The following UBN1 variants were observed in gnomAD, a reference collection of about 807,000 sequenced individuals.
UBN1 encodes ubinuclein-1.
In UBN1, 17 loss-of-function variants were observed where a neutral mutation model predicts 108.5. The observed-to-expected ratio is 0.16, with a 90% CI of 0.11 to 0.24. The LOEUF is 0.24. Among genes scored for constraint, UBN1 ranks in the 10% least tolerant of loss-of-function variants. UBN1 has a pLI of 1.00. For synonymous variants in UBN1, 726 were observed against 564.2 expected, an observed-to-expected ratio of 1.29 and a Z score of -4.07; for missense variants, 1,595 against 1,394.4, an observed-to-expected ratio of 1.14 and a Z score of -2.29.
In UBN1 at chr16:4,877,421, C is replaced by A; in HGVS notation, c.3302C>A (p.Ala1101Glu). ...GGCTTGCACTCCAGCCCGCCCCATGCAGCGCCTCTCCCACACGCTGCGGTG... is the reference window on the plus strand; with the variant it reads ...GGCTTGCACTCCAGCCCGCCCCATGAAGCGCCTCTCCCACACGCTGCGGTG... ...LAGLHSSPPH[A>E]APLPHAAVPT... The change falls in exon 17 of 18, where the codon GCA becomes GAA. Residue 1101 changes from alanine to glutamate, a missense_variant. Transcript: ENST00000262376. This position sits in a 1 kb window ranked among gnomAD's most constrained non-coding sequence, Gnocchi z 4.3. 1.2e-6 allele frequency: 2 copies of A among 1,612,658 alleles called. No homozygotes were observed. The highest frequency in any genetic ancestry group is 1.7e-6 in the Non-Finnish European group (2 of 1,179,698).
chr16:4,868,778 T>C (rs2087460811), intron 7 of UBN1, 55 bp from the exon 8 acceptor site: 2 of 1,580,106 alleles, frequency 1.3e-6, no homozygotes, highest in Non-Finnish European at 1.7e-6. Context: ...TGGGTGAGCG[T>C]AAGGGACATG....
chr16:4,870,756 C>G (rs2087589922), intron 10 of UBN1, 88 bp from the exon 11 acceptor site: 2 of 1,592,302 alleles, frequency 1.3e-6, no homozygotes, highest in South Asian at 1.1e-5. Flanking sequence ...TTTTCTCCTT[C>G]TCTGTGAAGT....
Position 4,880,272 on chromosome 16 carries a change from G to A in UBN1, c.*140G>A, listed in dbSNP as rs2088039887. On this transcript the variant is annotated 3_prime_UTR_variant, in exon 18 of 18. Coordinates refer to ENST00000262376, the MANE Select transcript of UBN1 (RefSeq NM_001079514.3). ...GTGAGTTCTCAGCGGAGCGCTTCTC[G>A]GCACTTCTGATGTGCCTCCCATGGA... 9.1e-6 allele frequency: 9 copies of A among 993,540 alleles called. No individual in the cohort carries two copies. Among genetic ancestry groups the A allele is most frequent in the Admixed American group, 6.1e-5 (3 of 49,526 alleles). The allele number at this position is 993,540 out of a possible 1,614,324, so 61.5% of individuals were successfully genotyped here.
chr16:4,851,308 T>A (rs1168602303), intron 1 of UBN1, among the ~76,000 whole-genome samples: 3 of 151,876 alleles, frequency 2.0e-5, no homozygotes, highest in Non-Finnish European at 4.4e-5. Context: ...CTACAAAAAA[T>A]ACAAAAATTA....
rs780365911 is a variant in UBN1 at position 4,870,252 on chromosome 16, T to A, written c.1222T>A (p.Ser408Thr). 2 of 1,614,232 alleles carry A rather than the reference T, an allele frequency of 1.2e-6. No individual in the cohort carries two copies. Among genetic ancestry groups the A allele is most frequent in the Admixed American group, 3.3e-5 (2 of 60,022 alleles). Residue 408 changes from serine (S) to threonine (T), a missense_variant, in exon 9 of 18, where the codon TCT becomes ACT. Physicochemically the swap from Ser to Thr is moderately conservative, Grantham distance 58 (BLOSUM62 1). This residue lies in a region of UBN1 where 1,398 missense variants were observed against 1,194.7 expected (regional missense o/e 1.17). Transcript: ENST00000262376. ...QTRELSSQVR[S>T]GVYAYLASFL... ...TCGGGAGCTGAGCAGTCAGGTCCGC[T>A]CTGGGGTGTATGCCTATCTTGCGTC...
rs779432079 is a variant in UBN1 at position 4,873,022 on chromosome 16, T to G, written c.1758-9T>G. The G allele has an allele frequency of 3.1e-6, 5 of 1,614,234 alleles. No homozygotes were observed. The highest frequency in any genetic ancestry group is 1.7e-5 in the Admixed American group (1 of 60,024). On this transcript the variant is annotated splice_polypyrimidine_tract_variant and intron_variant, in intron 13 of 17. Transcript: ENST00000262376. ...CTCTAAACTTTTCTGTGCTCATTCC[T>G]TTGAACAGGGCCAAGAAGAAAGTTA...
Position 4,860,734 on chromosome 16 carries a change from A to G in UBN1, c.742A>G (p.Met248Val), listed in dbSNP as rs1322629904. The change falls in exon 7 of 18, where the codon ATG (methionine) becomes GTG (valine). Residue 248 changes from methionine to valine, a missense_variant. By Grantham distance (21) the Met-to-Val change is conservative. Transcript: ENST00000262376. ...KYSGALSVKE[M>V]LKKFQKEKEA... ...TTCTGGGGCTTTAAGCGTTAAAGAG[A>G]TGCTAAAGAAATTTCAGAAAGAGAA... 4.3e-6 allele frequency: 7 copies of G among 1,614,254 alleles called. No individual in the cohort carries two copies. The highest frequency in any genetic ancestry group is 5.1e-6 in the Non-Finnish European group (6 of 1,180,044).
At chr16:4,852,079 A>G (rs2086585885) in intron 1 of UBN1, 1 of 152,220 alleles carries the variant, frequency 6.6e-6, no homozygotes, top group Admixed American at 6.5e-5. Context: ...TGTATAAACA[A>G]GGCTGCAATG....
Position 4,874,837 on chromosome 16 carries a change from C to A in UBN1, c.2427C>A (p.Ala809=), listed in dbSNP as rs371705582. 5 of 1,614,016 alleles carry A rather than the reference C, an allele frequency of 3.1e-6. No individual in the cohort carries two copies. In the East Asian group the frequency reaches 1.1e-4, roughly 36 times the overall value. Residue 809 remains alanine, a synonymous_variant, in exon 15 of 18, where the codon GCC becomes GCA. Transcript: ENST00000262376. The part of the protein sequence containing the change: ...VPGPQVKVFH[A]GTQQQKNFTP... ...GCCCCCAGGTCAAAGTCTTTCATGC[C>A]GGCACTCAGCAGCAGAAAAACTTCA...
Position 4,856,810 on chromosome 16 carries a change from G to A in UBN1, c.250-1180G>A, listed in dbSNP as rs140626514. On this transcript the variant is annotated intron_variant, in intron 2 of 17. Coordinates refer to ENST00000262376, the MANE Select transcript of UBN1 (RefSeq NM_001079514.3). ...TAGAAAAATTAGAAGATCCAGATAAGCATGTTTGAAAGACTCCCCATTTGA... is the reference window on the plus strand; with the variant it reads ...TAGAAAAATTAGAAGATCCAGATAAACATGTTTGAAAGACTCCCCATTTGA... Among the ~76,000 whole-genome samples the A allele has an allele frequency of 3.2e-3, 489 of 152,312 alleles. 3 individuals carry two copies. Among genetic ancestry groups the A allele is most frequent in the African/African-American group, 0.01 (432 of 41,574 alleles).
chr16:4,878,848 A>C (rs1312259937), intron 17 of UBN1, among the ~76,000 whole-genome samples: 4 of 152,130 alleles, frequency 2.6e-5, no homozygotes, highest in African/African-American at 9.7e-5. Flanking sequence ...CTATCTCTAC[A>C]TTTAAAGAAA....
chr16:4,865,608 C>T (rs2087291504), intron 7 of UBN1, among the ~76,000 whole-genome samples: 2 of 152,038 alleles, frequency 1.3e-5, no homozygotes, highest in Non-Finnish European at 2.9e-5. Flanking sequence ...GAGGTCAAGG[C>T]TGTATGAGCT....
intron 11 of UBN1, 84 bp downstream of exon 11, chr16:4,871,056 G>T: frequency 6.2e-7 from 1 of 1,602,924 alleles, no homozygotes; most frequent in South Asian, 1.1e-5. Context: ...CAAAGGTTAG[G>T]CTCATTTACT....
At chr16:4,867,209 G>A (rs1018967908) in intron 7 of UBN1, among the ~76,000 whole-genome samples, 1 of 152,154 alleles carries the variant, frequency 6.6e-6, no homozygotes, top group African/African-American at 2.4e-5. Flanking sequence ...TTAGAAGTGG[G>A]GAACACAGGG....
At chr16:4,878,361 TA>T (rs1398835865) in intron 17 of UBN1, among the ~76,000 whole-genome samples, 1 of 152,082 alleles carries the variant, frequency 6.6e-6, no homozygotes. Context: ...CCAGCCGAGG[TA>T]ACCCTGGCGA....
intron 11 of UBN1, 62 bp downstream of exon 11, chr16:4,871,034 C>CCGA: frequency 1.2e-6 from 2 of 1,606,702 alleles, no homozygotes; most frequent in Non-Finnish European, 8.5e-7. Flanking sequence ...TGAGCACGTC[C>CCGA]CCTATTGCTG....
rs2088066876 is a variant in UBN1, at chr16:4,881,217, AG to A, written c.*1087del. ...GTTTGTATTCTTAGGAATCATTCTT[AG>A]GCAGTGCGGCAGAAGCAGGCCTCTG... On this transcript the variant is annotated 3_prime_UTR_variant, in exon 18 of 18. Transcript: ENST00000262376. 1 of 152,662 alleles carries A rather than the reference AG, an allele frequency of 6.6e-6. No individual in the cohort carries two copies. Among genetic ancestry groups the A allele is most frequent in the South Asian group, 2.1e-4 (1 of 4,828 alleles). The allele number at this position is 152,662 out of a possible 1,614,324, so 9.5% of individuals were successfully genotyped here.
At position 4,881,895 on chromosome 16, in the gene UBN1, T is replaced by C. The variant is rs988661588; in HGVS notation, c.*1763T>C. On this transcript the variant is annotated 3_prime_UTR_variant, in exon 18 of 18. Transcript: ENST00000262376. The stretch of plus-strand genomic sequence containing the variant: ...TGAGCAGGGACTCTCCAGGCTTCTC[T>C]GCCCATAAACACCCGGGTCCCAGGC... 1.3e-5 allele frequency: 2 copies of C among 152,322 alleles called. No homozygotes were observed. The highest frequency in any genetic ancestry group is 4.8e-5 in the African/African-American group (2 of 41,334). 9.4% of individuals were successfully genotyped at this position (152,322 alleles called of 1,614,324 possible). A position where few individuals can be genotyped will look rare whatever the true frequency, so the allele number is the denominator to read the frequency against.
rs147091703 is a variant in UBN1, at chr16:4,851,466, A to G, written c.-39-1413A>G. ...CCTTGTCTCAAAAAACAAAAAACCTATATACACAAGTTCTTCTATAAGATC... is the reference window on the plus strand; with the variant it reads ...CCTTGTCTCAAAAAACAAAAAACCTGTATACACAAGTTCTTCTATAAGATC... On this transcript the variant is annotated intron_variant, in intron 1 of 17. Coordinates refer to ENST00000262376, the MANE Select transcript of UBN1 (RefSeq NM_001079514.3). 2.7e-3 allele frequency among the ~76,000 whole-genome samples: 412 copies of G among 152,278 alleles called. 2 individuals are homozygous for G. The highest frequency in any genetic ancestry group is 7.9e-3 in the African/African-American group (327 of 41,562).
Sources: allele counts gnomAD v4.1 joint callset (sites outside exome capture counted in the v4.1 genomes callset), GRCh38; gene constraint gnomAD v4.1.1; regional missense constraint gnomAD v4.1.1; non-coding constraint Gnocchi (gnomAD v3.1); transcripts MANE v1.5; gene names NCBI Gene and HGNC (gene_info 2026-07-23, HGNC 2026-07-21).